RAPGEF4: variants seen among roughly 807,000 people sequenced by gnomAD.
RAPGEF4 encodes Rap guanine nucleotide exchange factor 4.
A neutral mutation model predicts 147.9 loss-of-function variants in RAPGEF4; 66 were observed. The observed-to-expected ratio is 0.45, with a 90% CI of 0.37 to 0.55. RAPGEF4 has a LOEUF of 0.55. Among genes scored for constraint, RAPGEF4 ranks in the 20% least tolerant of loss-of-function variants. RAPGEF4 has a pLI of 0.00. For synonymous variants in RAPGEF4, 419 were observed against 442.7 expected, an observed-to-expected ratio of 0.95 and a Z score of 0.67; for missense variants, 1,071 against 1,257.3, an observed-to-expected ratio of 0.85 and a Z score of 2.24.
intron 10 of RAPGEF4, among the ~76,000 whole-genome samples, chr2:172,981,491 T>TTTCTGGGTTCCAC (rs1691679325): frequency 6.6e-6 from 1 of 152,202 alleles, no homozygotes; most frequent in Non-Finnish European, 1.5e-5. Context: ...ATGGGTCCCA[T>TTTCTGGGTTCCAC]ACTTTCTGGG....
chr2:173,024,987 A>C (rs1167335755), intron 23 of RAPGEF4, among the ~76,000 whole-genome samples: 1 of 152,198 alleles, frequency 6.6e-6, no homozygotes, highest in Non-Finnish European at 1.5e-5. Flanking sequence ...TCACCTGCCC[A>C]AGCTTGTCTG....
At chr2:172,802,530 C>T (rs956177324) in intron 3 of RAPGEF4, among the ~76,000 whole-genome samples, 1 of 152,168 alleles carries the variant, frequency 6.6e-6, no homozygotes, top group Non-Finnish European at 1.5e-5. Flanking sequence ...GTTCTTCCTG[C>T]AACACATGGG....
chr2:172,774,162 A>G (rs2149494220), intron 1 of RAPGEF4, among the ~76,000 whole-genome samples: 1 of 152,334 alleles, frequency 6.6e-6, no homozygotes, highest in East Asian at 1.9e-4. Flanking sequence ...TGTTATTGTG[A>G]AAAGCATGAC....
intron 1 of RAPGEF4, among the ~76,000 whole-genome samples, chr2:172,747,340 A>G (rs1051045221): frequency 6.6e-6 from 1 of 152,176 alleles, no homozygotes; most frequent in African/African-American, 2.4e-5. Flanking sequence ...GTTACCTAGT[A>G]TGTGTGTGTG....
intron 6 of RAPGEF4, among the ~76,000 whole-genome samples, chr2:172,955,929 G>T (rs1214638090): frequency 1.3e-5 from 2 of 152,212 alleles, no homozygotes; most frequent in Non-Finnish European, 2.9e-5. Context: ...TTGCCCTTTG[G>T]TTCTGCCTTT....
chr2:172,875,362 AG>A (rs1695783961), intron 4 of RAPGEF4, among the ~76,000 whole-genome samples: 1 of 152,026 alleles, frequency 6.6e-6, no homozygotes, highest in South Asian at 2.1e-4. Flanking sequence ...GTTTTCTTCT[AG>A]GGTTTTTATG....
At chr2:173,044,711 G>A (rs774686354) in intron 29 of RAPGEF4, among the ~76,000 whole-genome samples, 14 of 152,080 alleles carry the variant, frequency 9.2e-5, no homozygotes, top group Middle Eastern at 3.2e-3. Context: ...GCGACAGGGG[G>A]GTTCAATTTG....
intron 4 of RAPGEF4, among the ~76,000 whole-genome samples, chr2:172,890,201 A>G (rs1697742698): frequency 6.6e-6 from 1 of 152,228 alleles, no homozygotes; most frequent in Non-Finnish European, 1.5e-5. Context: ...GACTGATGGT[A>G]ACATTTGTAG....
chr2:172,877,211 G>C (rs976876443), intron 4 of RAPGEF4, among the ~76,000 whole-genome samples: 6 of 152,170 alleles, frequency 3.9e-5, no homozygotes, highest in Admixed American at 1.3e-4. Flanking sequence ...CATGTCCTTT[G>C]CAGGGACATG....
At chr2:172,904,088 C>A (rs1201716662) in intron 4 of RAPGEF4, among the ~76,000 whole-genome samples, 1 of 152,162 alleles carries the variant, frequency 6.6e-6, no homozygotes, top group East Asian at 1.9e-4. Flanking sequence ...ATCAGTGCAT[C>A]CTAATTCTGT....
At chr2:172,899,927 G>A (rs1180436250) in intron 4 of RAPGEF4, among the ~76,000 whole-genome samples, 1 of 152,228 alleles carries the variant, frequency 6.6e-6, no homozygotes, top group Non-Finnish European at 1.5e-5. Context: ...AGCACGTGAG[G>A]TGGATTAGGG....
At chr2:172,982,176 T>C (rs185447505) in intron 10 of RAPGEF4, among the ~76,000 whole-genome samples, 12 of 152,332 alleles carry the variant, frequency 7.9e-5, no homozygotes, top group Admixed American at 7.8e-4. Flanking sequence ...CCAATACTCC[T>C]CAAATTTCTT....
At chr2:172,779,986 A>G (rs925720546) in intron 1 of RAPGEF4, among the ~76,000 whole-genome samples, 2 of 152,220 alleles carry the variant, frequency 1.3e-5, no homozygotes, top group African/African-American at 4.8e-5. Flanking sequence ...AACTTCTTAC[A>G]TGCATTTATA....
rs183972651 is a variant in RAPGEF4 at position 172,818,286 on chromosome 2, A to T, written c.444+3861A>T. Among the ~76,000 whole-genome samples the T allele has an allele frequency of 9.6e-4, 146 of 152,222 alleles. 1 individual carries two copies. The highest frequency in any genetic ancestry group is 3.2e-3 in the African/African-American group (133 of 41,538). On this transcript the variant is annotated intron_variant, in intron 4 of 30. Coordinates refer to ENST00000397081, the MANE Select transcript of RAPGEF4 (RefSeq NM_007023.4). ...AAATCTCAGAAGTCACCACTAAAAA[A>T]CTTATTCATGTAACCAAATGCCACC...
chr2:173,020,957 T>G (rs548654173), intron 23 of RAPGEF4, among the ~76,000 whole-genome samples: 9 of 152,208 alleles, frequency 5.9e-5, no homozygotes, highest in Non-Finnish European at 1.0e-4. Flanking sequence ...CTTTCAGAAC[T>G]CTTTGTTGTA....
chr2:172,847,833 T>A (rs1692373535), intron 4 of RAPGEF4, among the ~76,000 whole-genome samples: 1 of 152,264 alleles, frequency 6.6e-6, no homozygotes, highest in African/African-American at 2.4e-5. Context: ...GACCATGTGT[T>A]AGCCTTGTCA....
intron 25 of RAPGEF4, among the ~76,000 whole-genome samples, chr2:173,028,027 C>T (rs1696830280): frequency 6.6e-6 from 1 of 152,210 alleles, no homozygotes; most frequent in Non-Finnish European, 1.5e-5. Flanking sequence ...CAAGTGACCC[C>T]AGCTAGACAA....
chr2:172,966,837 A>C (rs1689890740), intron 9 of RAPGEF4, among the ~76,000 whole-genome samples: 1 of 152,204 alleles, frequency 6.6e-6, no homozygotes, highest in African/African-American at 2.4e-5. Context: ...GAATAACATA[A>C]ATTCTGATCC....
At position 172,797,573 on chromosome 2, in the gene RAPGEF4, G is replaced by A. The variant is rs1456354276; in HGVS notation, c.257G>A (p.Gly86Glu). 1 of 1,613,726 alleles carries A rather than the reference G, an allele frequency of 6.2e-7. No homozygotes were observed. The highest frequency in any genetic ancestry group is 1.7e-5 in the Admixed American group (1 of 60,002). ...ACAAACTGGTATGCTGTCCTGGCAG[G>A]GTCTTTGGATGTTAAAGTATCTGAG... is the stretch of plus-strand genomic sequence containing the variant. ...IGTNWYAVLA[G>E]SLDVKVSETS... The change falls in exon 3 of 31, where the codon GGG (glycine) becomes GAG (glutamate). Residue 86 changes from glycine (G) to glutamate (E), a missense_variant. Coordinates refer to ENST00000397081, the MANE Select transcript of RAPGEF4 (RefSeq NM_007023.4).
Sources: gnomAD v4.1 joint callset for allele counts (sites outside exome capture counted in the v4.1 genomes callset) on GRCh38, gnomAD v4.1.1 for gene constraint, MANE v1.5 for transcripts, NCBI Gene and HGNC (gene_info 2026-07-23, HGNC 2026-07-21) for gene names.